DRICH1: variants seen among roughly 807,000 people sequenced by gnomAD.
The protein encoded by DRICH1 is aspartate rich 1, also known as aspartate-rich protein 1.
Under a neutral mutation model 39.5 loss-of-function variants are expected in DRICH1, and 38 were observed. That is an observed-to-expected ratio of 0.96 (90% CI 0.74 to 1.26). DRICH1 has a LOEUF of 1.26. Among genes scored for constraint, DRICH1 ranks in the 50% most tolerant of loss-of-function variants. The pLI is 0.00. For missense variants in DRICH1, 279 were observed against 270.4 expected (o/e 1.03, Z -0.22); for synonymous variants, 84 against 99.5 (o/e 0.84, Z 0.93).
intron 1 of DRICH1, among the ~76,000 whole-genome samples, chr22:23,627,135 T>A (rs1166765944): frequency 6.7e-6 from 1 of 149,988 alleles, no homozygotes; most frequent in Non-Finnish European, 1.5e-5. Flanking sequence ...TACAATGGCA[T>A]GATCTCGGCT....
chr22:23,612,550 G>T (rs1927102623), intron 11 of DRICH1, among the ~76,000 whole-genome samples: 1 of 147,268 alleles, frequency 6.8e-6, no homozygotes, highest in African/African-American at 2.5e-5. Context: ...CCAAATTTTT[G>T]AAGACAGGAA....
rs975896233 is a variant in DRICH1 at position 23,612,246 on chromosome 22, G to A, written c.685+1043C>T. ...TTTGGGAGGCTGAGGCGGGCAGATC[G>A]CCTGAGCTGAGGAGTTCCTGACTAG... On this transcript the variant is annotated intron_variant, in intron 11 of 11. Transcript: ENST00000317749. Among the ~76,000 whole-genome samples, 34 of 151,892 alleles carry A rather than the reference G, an allele frequency of 2.2e-4. 1 individual carries two copies. Among genetic ancestry groups the A allele is most frequent in the Admixed American group, 2.2e-3 (34 of 15,260 alleles).
At chr22:23,601,810 G>A in the DRICH1 span, among the ~76,000 whole-genome samples, 8 of 152,248 alleles carry the variant, frequency 5.3e-5, no homozygotes, top group African/African-American at 1.4e-4. Context: ...CATCCTTTAC[G>A]TTTGCATTTC....
chr22:23,611,369 T>G (rs1927023178), intron 11 of DRICH1, among the ~76,000 whole-genome samples: 1 of 151,944 alleles, frequency 6.6e-6, no homozygotes, highest in African/African-American at 2.4e-5. Flanking sequence ...ATACCCAATT[T>G]ATGGCTGTTC....
intron 5 of DRICH1, among the ~76,000 whole-genome samples, 199 bp downstream of exon 5, chr22:23,620,395 C>T (rs1483390262): frequency 6.6e-6 from 1 of 152,250 alleles, no homozygotes; most frequent in Middle Eastern, 3.4e-3. Flanking sequence ...TGAAGACACA[C>T]TGGCTCACAC....
intron 9 of DRICH1, 144 bp from the exon 10 acceptor site, chr22:23,613,804 C>T (rs561123497): frequency 1.6e-6 from 1 of 637,846 alleles, no homozygotes; most frequent in African/African-American, 1.8e-5. Flanking sequence ...AAGACTAGCA[C>T]AGAGGATAGC....
downstream of DRICH1, among the ~76,000 whole-genome samples, chr22:23,605,309 C>T (rs1403071523): frequency 2.6e-5 from 4 of 152,142 alleles, no homozygotes; most frequent in African/African-American, 9.7e-5. Context: ...CCAACAGGTC[C>T]TCCCCAGGGC....
At chr22:23,591,919 A>AG in the DRICH1 span, among the ~76,000 whole-genome samples, 1 of 151,770 alleles carries the variant, frequency 6.6e-6, no homozygotes, top group Non-Finnish European at 1.5e-5. Flanking sequence ...AGAATACAGC[A>AG]CAGGGCTGGG....
Position 23,608,726 on chromosome 22 carries a change from C to T in DRICH1, c.*38G>A, listed in dbSNP as rs1356226292. The T allele has an allele frequency of 2.6e-6, 4 of 1,554,624 alleles. No individual in the cohort carries two copies. Among genetic ancestry groups the T allele is most frequent in the Non-Finnish European group, 3.5e-6 (4 of 1,148,122 alleles). On this transcript the variant is annotated 3_prime_UTR_variant, in exon 12 of 12. Transcript: ENST00000317749. Reference sequence around the variant, plus strand: ...ACCCTGCAGCACGCGCTGGCCTGCCCTTTGGGTCAGCACCCTGGTCAGCTC... The same window carrying T: ...ACCCTGCAGCACGCGCTGGCCTGCCTTTTGGGTCAGCACCCTGGTCAGCTC...
At chr22:23,594,437 G>T in the DRICH1 span, among the ~76,000 whole-genome samples, 1 of 152,164 alleles carries the variant, frequency 6.6e-6, no homozygotes, top group Admixed American at 6.5e-5. Flanking sequence ...AGGTGTTGTG[G>T]CAAGTGCCTG....
the DRICH1 span, among the ~76,000 whole-genome samples, chr22:23,591,447 A>G: frequency 4.6e-5 from 7 of 152,010 alleles, no homozygotes; most frequent in East Asian, 1.4e-3. Flanking sequence ...CACCGACTAC[A>G]AGGAAATGGT....
intron 5 of DRICH1, 70 bp from the exon 6 acceptor site, chr22:23,619,463 T>A (rs1927581010): frequency 2.6e-6 from 2 of 767,906 alleles, no homozygotes; most frequent in Non-Finnish European, 4.9e-6. Flanking sequence ...ACCATGGTAA[T>A]GTTGAAAAAG....
At chr22:23,627,859 T>G (rs1183282914) in intron 1 of DRICH1, among the ~76,000 whole-genome samples, 2 of 152,074 alleles carry the variant, frequency 1.3e-5, no homozygotes, top group Non-Finnish European at 2.9e-5. Context: ...ACAACTAAGC[T>G]AGATCCCACC....
At chr22:23,631,286 G>T (rs903733524) in intron 1 of DRICH1, among the ~76,000 whole-genome samples, 3 of 151,998 alleles carry the variant, frequency 2.0e-5, no homozygotes, top group African/African-American at 7.3e-5. Flanking sequence ...GGGCGTGGTA[G>T]TGGGCACCTG....
chr22:23,592,888 C>CTGT, the DRICH1 span, among the ~76,000 whole-genome samples: 3 of 145,694 alleles, frequency 2.1e-5, no homozygotes, highest in Non-Finnish European at 3.0e-5. Flanking sequence ...ACAAAATTAG[C>CTGT]TGGCATGATG....
intron 1 of DRICH1, among the ~76,000 whole-genome samples, chr22:23,626,911 T>G (rs547078463): frequency 1.1e-4 from 16 of 152,132 alleles, no homozygotes; most frequent in Non-Finnish European, 1.9e-4. Context: ...ATTCCCACTT[T>G]GATGTGCACG....
At chr22:23,594,952 C>T in the DRICH1 span, among the ~76,000 whole-genome samples, 1 of 147,172 alleles carries the variant, frequency 6.8e-6, no homozygotes. Context: ...TGATGAAGTC[C>T]CCAGACAACT....
At chr22:23,626,250 C>A (rs1470110016) in intron 1 of DRICH1, among the ~76,000 whole-genome samples, 2 of 152,192 alleles carry the variant, frequency 1.3e-5, no homozygotes, top group East Asian at 3.8e-4. Context: ...CCTAATAAGA[C>A]TCTTGCATTC....
Position 23,608,745 on chromosome 22 carries a change from T to C in DRICH1, c.*19A>G. 1.3e-6 allele frequency: 2 copies of C among 1,558,396 alleles called. No individual in the cohort carries two copies. On this transcript the variant is annotated 3_prime_UTR_variant, in exon 12 of 12. Transcript: ENST00000317749. Reference sequence around the variant, plus strand: ...CCTGCCCTTTGGGTCAGCACCCTGGTCAGCTCCACAGAAGGGCTTCACCCT... The same window carrying C: ...CCTGCCCTTTGGGTCAGCACCCTGGCCAGCTCCACAGAAGGGCTTCACCCT...
Sources: allele counts gnomAD v4.1 joint callset (sites outside exome capture counted in the v4.1 genomes callset), GRCh38; gene constraint gnomAD v4.1.1; transcripts MANE v1.5; gene names NCBI Gene and HGNC (gene_info 2026-07-23, HGNC 2026-07-21).